The following NRXN3 variants were observed in gnomAD, a reference collection of about 807,000 sequenced individuals.
NRXN3 encodes neurexin 3.
NRXN3 carries 32 observed loss-of-function variants against 137.6 expected under a neutral mutation model. That is an observed-to-expected ratio of 0.23 (90% CI 0.18 to 0.31). The LOEUF is 0.31. Among genes scored for constraint, NRXN3 ranks in the 10% least tolerant of loss-of-function variants. The pLI, the probability that NRXN3 is intolerant of heterozygous loss-of-function variation, is 1.00. For missense variants in NRXN3, 1,574 were observed against 2,062.5 expected (o/e 0.76, Z 4.59); for synonymous variants, 798 against 784.5 (o/e 1.02, Z -0.29).
chr14:78,425,555 G>A lies in NRXN3; in HGVS notation c.757+127695G>A, dbSNP rs78676608. Among the ~76,000 whole-genome samples, 556 of 152,118 alleles carry A rather than the reference G, an allele frequency of 3.7e-3. 24 individuals are homozygous for A. The East Asian group carries it at 0.066, about 18-fold the overall frequency. On this transcript the variant is annotated intron_variant, in intron 4 of 20. Transcript: ENST00000335750. The stretch of plus-strand genomic sequence containing the variant: ...AAAGCTGGCTCACAGGCCAGCAGGG[G>A]CCCCTCCCACCCCTTGACTAAACCC...
chr14:78,274,874 T>C (rs2073348663), intron 2 of NRXN3, among the ~76,000 whole-genome samples: 1 of 152,146 alleles, frequency 6.6e-6, no homozygotes, highest in Non-Finnish European at 1.5e-5. Context: ...CAGGATTACT[T>C]TTTCCCCCTG....
At chr14:79,360,633 C>A (rs146312344) in intron 15 of NRXN3, among the ~76,000 whole-genome samples, 1 of 152,250 alleles carries the variant, frequency 6.6e-6, no homozygotes, top group African/African-American at 2.4e-5. Context: ...GGTAAAATAG[C>A]TCATGGAGTT....
intron 4 of NRXN3, among the ~76,000 whole-genome samples, chr14:78,316,809 G>A (rs564613411): frequency 1.3e-5 from 2 of 151,996 alleles, no homozygotes; most frequent in African/African-American, 2.4e-5. Flanking sequence ...TTTTTGGCTT[G>A]ACTTTCTTGG....
rs112485990 is a variant in NRXN3, at chr14:78,338,341, T to C, written c.757+40481T>C. Among the ~76,000 whole-genome samples, 141 of 152,372 alleles carry C rather than the reference T, an allele frequency of 9.3e-4. 1 individual carries two copies. The highest frequency in any genetic ancestry group is 2.5e-3 in the African/African-American group (104 of 41,596). ...AACTAATGTGATGGACAGTGCAGAA[T>C]GGTAGAACATCTCCATCACTGAAGA... On this transcript the variant is annotated intron_variant, in intron 4 of 20. Coordinates refer to ENST00000335750, the MANE Select transcript of NRXN3 (RefSeq NM_001330195.2).
intron 15 of NRXN3, among the ~76,000 whole-genome samples, chr14:79,137,269 A>G (rs1367132949): frequency 3.3e-5 from 5 of 152,200 alleles, no homozygotes; most frequent in African/African-American, 1.2e-4. Flanking sequence ...GGAAGGTGAC[A>G]GGAGAGTGTT....
chr14:79,528,237 A>T (rs1169046971), intron 16 of NRXN3, among the ~76,000 whole-genome samples: 1 of 152,144 alleles, frequency 6.6e-6, no homozygotes, highest in Admixed American at 6.5e-5. Flanking sequence ...ATTACAGTAC[A>T]CTCAAGCGGT....
At chr14:79,364,508 T>A (rs751533381) in intron 15 of NRXN3, among the ~76,000 whole-genome samples, 5 of 152,188 alleles carry the variant, frequency 3.3e-5, no homozygotes, top group Non-Finnish European at 5.9e-5. Flanking sequence ...GAGTCTATCA[T>A]GCAAGGATGC....
chr14:78,182,734 G>C (rs1388627287), intron 1 of NRXN3, among the ~76,000 whole-genome samples: 5 of 152,148 alleles, frequency 3.3e-5, no homozygotes, highest in Non-Finnish European at 7.3e-5. Flanking sequence ...GCCTCCCAAA[G>C]TGCTGGGATT....
At chr14:79,050,131 C>G (rs2099639739) in intron 15 of NRXN3, among the ~76,000 whole-genome samples, 1 of 152,184 alleles carries the variant, frequency 6.6e-6, no homozygotes, top group Non-Finnish European at 1.5e-5. Flanking sequence ...GAATCTCTTA[C>G]ATTTGCCCTT....
chr14:79,209,828 C>G (rs1250073324), intron 15 of NRXN3, among the ~76,000 whole-genome samples: 1 of 152,088 alleles, frequency 6.6e-6, no homozygotes, highest in Non-Finnish European at 1.5e-5. Context: ...TCCCAAAGTC[C>G]TCTGTTTACT....
Position 79,719,348 on chromosome 14 carries a change from CATAT to C in NRXN3, c.4014+21414_4014+21417del, listed in dbSNP as rs3061483. ...GTGTGTATATATATGTATATATACA[CATAT>C]ATGTGTATTGTGTGTATGTGTATAT... On this transcript the variant is annotated intron_variant, in intron 19 of 20. Coordinates refer to ENST00000335750, the MANE Select transcript of NRXN3 (RefSeq NM_001330195.2). Among the ~76,000 whole-genome samples the C allele has an allele frequency of 1.2e-4, 18 of 146,902 alleles. No homozygotes were observed. The South Asian group carries it at 1.5e-3, about 12-fold the overall frequency.
At chr14:78,518,890 CTG>C (rs2096249111) in intron 4 of NRXN3, among the ~76,000 whole-genome samples, 1 of 151,870 alleles carries the variant, frequency 6.6e-6, no homozygotes, top group Non-Finnish European at 1.5e-5. Context: ...CATTTGATCA[CTG>C]TGGATTTCCT....
chr14:79,407,541 G>C (rs2095338453), intron 15 of NRXN3, among the ~76,000 whole-genome samples: 2 of 152,148 alleles, frequency 1.3e-5, no homozygotes. Context: ...AATTAAAACA[G>C]CATGCTCAGG....
chr14:78,974,144 G>A (rs1209716912), intron 14 of NRXN3, among the ~76,000 whole-genome samples: 1 of 152,120 alleles, frequency 6.6e-6, no homozygotes, highest in Non-Finnish European at 1.5e-5. Flanking sequence ...AGTATAGAGG[G>A]CCCTTGTGGC....
At chr14:79,267,111 GTTTTA>G (rs948462226) in intron 15 of NRXN3, among the ~76,000 whole-genome samples, 23 of 152,096 alleles carry the variant, frequency 1.5e-4, no homozygotes, top group African/African-American at 5.6e-4. Context: ...TATGTCATTT[GTTTTA>G]TTTTATTGCA....
chr14:78,802,456 C>G (rs2153079479), intron 8 of NRXN3, among the ~76,000 whole-genome samples: 1 of 152,286 alleles, frequency 6.6e-6, no homozygotes, highest in East Asian at 1.9e-4. Flanking sequence ...ATGGGTGCAG[C>G]ACACCAACAT....
chr14:78,725,273 A>G (rs1194532546), intron 8 of NRXN3, among the ~76,000 whole-genome samples: 2 of 152,238 alleles, frequency 1.3e-5, no homozygotes, highest in African/African-American at 4.8e-5. Context: ...GGGGCCACAT[A>G]CTGACATCAG....
rs193058760 is a variant in NRXN3 at position 78,704,830 on chromosome 14, T to C, written c.1222-4387T>C. Among the ~76,000 whole-genome samples the C allele has an allele frequency of 2.0e-5, 3 of 152,320 alleles. 1 individual carries two copies. Among genetic ancestry groups the C allele is most frequent in the Non-Finnish European group, 4.4e-5 (3 of 68,016 alleles). ...ATGATATAAAACAGTGTTTGCAAAG[T>C]ACCTGGCACATGGTAGGCTCTTTTC... On this transcript the variant is annotated intron_variant, in intron 6 of 20. Coordinates refer to ENST00000335750, the MANE Select transcript of NRXN3 (RefSeq NM_001330195.2).
intron 8 of NRXN3, among the ~76,000 whole-genome samples, chr14:78,778,675 TTCTTTTC>T (rs2098752927): frequency 7.1e-6 from 1 of 140,596 alleles, no homozygotes; most frequent in Non-Finnish European, 1.6e-5. Context: ...CTTTTCTCTT[TTCTTTTC>T]TTTCTTTCTT....
Sources: allele counts gnomAD v4.1 joint callset (sites outside exome capture counted in the v4.1 genomes callset), GRCh38; gene constraint gnomAD v4.1.1; transcripts MANE v1.5; gene names NCBI Gene and HGNC (gene_info 2026-07-23, HGNC 2026-07-21).